KIRREL3: variants seen among roughly 807,000 people sequenced by gnomAD.
KIRREL3 encodes kin of IRRE-like protein 3.
Under a neutral mutation model 89.7 loss-of-function variants are expected in KIRREL3, and 36 were observed. That is an observed-to-expected ratio of 0.40 (90% CI 0.31 to 0.53). The LOEUF (loss-of-function observed/expected upper bound fraction) is 0.53. KIRREL3 is among the 20% of genes least tolerant of loss of function. The pLI is 0.49. For synonymous variants in KIRREL3, 445 were observed against 441.4 expected, an observed-to-expected ratio of 1.01 and a Z score of -0.10; for missense variants, 864 against 1,056.6, an observed-to-expected ratio of 0.82 and a Z score of 2.53.
rs757000736 is a variant in KIRREL3, at chr11:126,527,393, C to T, written c.134-706G>A. ...CTCAAAACGAGATGGCCAGAATCAT[C>T]GAAGAGAGTCAGTTGACATTATTTT... On this transcript the variant is annotated intron_variant, in intron 2 of 16. Coordinates refer to ENST00000525144, the MANE Select transcript of KIRREL3 (RefSeq NM_032531.4). This position sits in a 1 kb window ranked among gnomAD's most constrained non-coding sequence, Gnocchi z 4.2. Among the ~76,000 whole-genome samples the T allele has an allele frequency of 1.3e-5, 2 of 152,146 alleles. No individual in the cohort carries two copies. Among genetic ancestry groups the T allele is most frequent in the Non-Finnish European group, 2.9e-5 (2 of 68,026 alleles).
chr11:126,538,452 G>A (rs557598732), intron 2 of KIRREL3, among the ~76,000 whole-genome samples: 2 of 152,192 alleles, frequency 1.3e-5, no homozygotes, highest in Admixed American at 6.5e-5. Flanking sequence ...ACAATATCGG[G>A]TAGGGTGGGA....
intron 1 of KIRREL3, among the ~76,000 whole-genome samples, chr11:126,757,150 G>A (rs569561511): frequency 1.9e-4 from 29 of 152,290 alleles, no homozygotes; most frequent in African/African-American, 6.0e-4. Flanking sequence ...TCCATTTCAT[G>A]GAGACTAATG....
intron 1 of KIRREL3, among the ~76,000 whole-genome samples, chr11:126,600,571 A>G (rs1942607837): frequency 6.6e-6 from 1 of 152,148 alleles, no homozygotes; most frequent in Non-Finnish European, 1.5e-5. Flanking sequence ...TGCACCACCC[A>G]ACTCCACCAA....
chr11:126,976,980 A>G lies in KIRREL3; in HGVS notation c.55+23475T>C, dbSNP rs982846823. Among the ~76,000 whole-genome samples, 2 of 152,194 alleles carry G rather than the reference A, an allele frequency of 1.3e-5. No individual in the cohort carries two copies. Among genetic ancestry groups the G allele is most frequent in the African/African-American group, 4.8e-5 (2 of 41,440 alleles). On this transcript the variant is annotated intron_variant, in intron 1 of 16. Transcript: ENST00000525144. This position sits in a 1 kb window ranked among gnomAD's most constrained non-coding sequence, Gnocchi z 4.2. ...CTCAACTATGAACAGCACGATAGGA[A>G]AGAGAGTACCAAGAGAGTTAAGAAG... is the stretch of plus-strand genomic sequence containing the variant.
rs1039032339 is a variant in KIRREL3, at chr11:126,612,415, C to T, written c.56-49503G>A. Among the ~76,000 whole-genome samples, 2 of 152,186 alleles carry T rather than the reference C, an allele frequency of 1.3e-5. No individual in the cohort carries two copies. Among genetic ancestry groups the T allele is most frequent in the South Asian group, 2.1e-4 (1 of 4,830 alleles). Reference sequence around the variant, plus strand: ...ATTTTCTTGATCTCATACTTGTGTTCTCTATGCATCCTATCACCTGGCTCT... The same window carrying T: ...ATTTTCTTGATCTCATACTTGTGTTTTCTATGCATCCTATCACCTGGCTCT... On this transcript the variant is annotated intron_variant, in intron 1 of 16. Transcript: ENST00000525144. This position sits in a 1 kb window ranked among gnomAD's most constrained non-coding sequence, Gnocchi z 4.5.
intron 1 of KIRREL3, among the ~76,000 whole-genome samples, chr11:126,930,133 G>A (rs113305860): frequency 0.013 from 1,986 of 150,972 alleles, 61 homozygotes; most frequent in African/African-American, 0.047. Context: ...ACTCCCCCCT[G>A]CACACTTTTC....
At chr11:126,865,584 A>T (rs770078155) in intron 1 of KIRREL3, among the ~76,000 whole-genome samples, 2 of 152,258 alleles carry the variant, frequency 1.3e-5, no homozygotes, top group Non-Finnish European at 2.9e-5. Flanking sequence ...CACCTTGTTC[A>T]GCAGTGGACA....
In KIRREL3 at chr11:126,995,679, C is replaced by T. The variant is rs1767916431; in HGVS notation, c.55+4776G>A. On this transcript the variant is annotated intron_variant, in intron 1 of 16. Coordinates refer to ENST00000525144, the MANE Select transcript of KIRREL3 (RefSeq NM_032531.4). This position sits in a 1 kb window ranked among gnomAD's most constrained non-coding sequence, Gnocchi z 6.5. ...TTTATCTCCTTGGAAGAAAAGTACT[C>T]CACAAATCAAAGGTATCATTAGTAT... Among the ~76,000 whole-genome samples, 1 of 152,144 alleles carries T rather than the reference C, an allele frequency of 6.6e-6. No individual in the cohort carries two copies. Among genetic ancestry groups the T allele is most frequent in the African/African-American group, 2.4e-5 (1 of 41,418 alleles).
Position 126,768,133 on chromosome 11 carries a change from TATCCATCC to T in KIRREL3, c.56-205229_56-205222del, listed in dbSNP as rs150912161. On this transcript the variant is annotated intron_variant, in intron 1 of 16. Coordinates refer to ENST00000525144, the MANE Select transcript of KIRREL3 (RefSeq NM_032531.4). The surrounding 1 kb of genome is among the most constrained non-coding windows in gnomAD (Gnocchi z 4.5). ...CTGTCCATCCATCTGTCTATCCATC[TATCCATCC>T]ATCCATCCATCCATCCATCCATCCA... 3.4e-4 allele frequency among the ~76,000 whole-genome samples: 44 copies of T among 127,540 alleles called. No homozygotes were observed. Among genetic ancestry groups the T allele is most frequent in the Middle Eastern group, 3.8e-3 (1 of 264 alleles). The allele number at this position is 127,540 out of a possible 152,430, so 83.7% of individuals were successfully genotyped here. A position where few individuals can be genotyped will look rare whatever the true frequency, so the allele number is the denominator to read the frequency against.
At chr11:126,591,234 C>T (rs1283325571) in intron 1 of KIRREL3, among the ~76,000 whole-genome samples, 2 of 152,126 alleles carry the variant, frequency 1.3e-5, no homozygotes, top group Non-Finnish European at 2.9e-5. Flanking sequence ...TCTCCCACAC[C>T]TGCACCCCAA....
At chr11:126,497,209 AGTGTGT>A (rs57902579) in intron 4 of KIRREL3, among the ~76,000 whole-genome samples, 32 of 92,648 alleles carry the variant, frequency 3.5e-4, no homozygotes, top group East Asian at 8.2e-4. Flanking sequence ...TGTGAGTGTG[AGTGTGT>A]GAGAGTGAGT....
In KIRREL3 at chr11:126,462,470, G is replaced by A. The variant is rs1956580126; in HGVS notation, c.742+687C>T. ...ACTTGAGGTCAGGAGTTTGAGACCA[G>A]CTTGGCCAATATGGTGAAACCCCAT... is the stretch of plus-strand genomic sequence containing the variant. On this transcript the variant is annotated intron_variant, in intron 6 of 16. Transcript: ENST00000525144. This position sits in a 1 kb window ranked among gnomAD's most constrained non-coding sequence, Gnocchi z 4.8. Among the ~76,000 whole-genome samples, 1 of 152,150 alleles carries A rather than the reference G, an allele frequency of 6.6e-6. No individual in the cohort carries two copies. Among genetic ancestry groups the A allele is most frequent in the Admixed American group, 6.5e-5 (1 of 15,276 alleles).
chr11:126,684,870 G>T lies in KIRREL3; in HGVS notation c.56-121958C>A, dbSNP rs1475021261. On this transcript the variant is annotated intron_variant, in intron 1 of 16. Transcript: ENST00000525144. The surrounding 1 kb of genome is among the most constrained non-coding windows in gnomAD (Gnocchi z 4.2). Reference sequence around the variant, plus strand: ...CACAGCGGGAGGGACCTGGGAAGAGGGAGAAGTTGATGGTCTGGTCACTAA... The same window carrying T: ...CACAGCGGGAGGGACCTGGGAAGAGTGAGAAGTTGATGGTCTGGTCACTAA... 6.6e-6 allele frequency among the ~76,000 whole-genome samples: 1 copy of T among 152,096 alleles called. No individual in the cohort carries two copies. The highest frequency in any genetic ancestry group is 2.4e-5 in the African/African-American group (1 of 41,424).
chr11:126,573,177 A>G (rs980111171), intron 1 of KIRREL3, among the ~76,000 whole-genome samples: 4 of 152,204 alleles, frequency 2.6e-5, no homozygotes, highest in Non-Finnish European at 5.9e-5. Context: ...CAGCCAAGTC[A>G]CAGTCACAGC....
At chr11:126,546,092 G>A (rs916670711) in intron 2 of KIRREL3, among the ~76,000 whole-genome samples, 15 of 152,180 alleles carry the variant, frequency 9.9e-5, no homozygotes, top group African/African-American at 3.6e-4. Flanking sequence ...GTGGTGTTTG[G>A]CACACAGGAT....
In KIRREL3 at chr11:126,844,511, T is replaced by G. The variant is rs1306638245; in HGVS notation, c.55+155944A>C. Among the ~76,000 whole-genome samples the G allele has an allele frequency of 6.6e-6, 1 of 152,004 alleles. No individual in the cohort carries two copies. The highest frequency in any genetic ancestry group is 1.5e-5 in the Non-Finnish European group (1 of 67,984). On this transcript the variant is annotated intron_variant, in intron 1 of 16. Coordinates refer to ENST00000525144, the MANE Select transcript of KIRREL3 (RefSeq NM_032531.4). The surrounding 1 kb of genome is among the most constrained non-coding windows in gnomAD (Gnocchi z 4.8). The stretch of plus-strand genomic sequence containing the variant: ...TACCCAGATAAAGGATGGGATTGGG[T>G]TAGGGGCCCAACTTAGGGCAGTTGG...
At chr11:126,549,233 TTGGCACTTC>T (rs1248098134) in intron 2 of KIRREL3, 3 of 152,212 alleles carry the variant, frequency 2.0e-5, no homozygotes, top group Non-Finnish European at 4.4e-5. Context: ...TGGACTTGAT[TTGGCACTTC>T]TGAATGTCAT....
intron 1 of KIRREL3, among the ~76,000 whole-genome samples, chr11:126,855,247 A>G (rs1201489523): frequency 6.6e-6 from 1 of 152,240 alleles, no homozygotes; most frequent in Non-Finnish European, 1.5e-5. Context: ...TGATTGGATC[A>G]TGTGGGCAGA....
rs983949800 is a variant in KIRREL3, at chr11:126,739,463, C to T, written c.56-176551G>A. Reference sequence around the variant, plus strand: ...CAAAACAGCTCTTGAGTAGTATTTGCTCTGTCAGTCAGTGTGCCAGGTGCA... The same window carrying T: ...CAAAACAGCTCTTGAGTAGTATTTGTTCTGTCAGTCAGTGTGCCAGGTGCA... On this transcript the variant is annotated intron_variant, in intron 1 of 16. Transcript: ENST00000525144. The surrounding 1 kb of genome is among the most constrained non-coding windows in gnomAD (Gnocchi z 5.5). 6.6e-6 allele frequency among the ~76,000 whole-genome samples: 1 copy of T among 152,226 alleles called. No individual in the cohort carries two copies. The highest frequency in any genetic ancestry group is 2.4e-5 in the African/African-American group (1 of 41,460).
Sources: gnomAD v4.1 joint callset for allele counts (sites outside exome capture counted in the v4.1 genomes callset) on GRCh38, gnomAD v4.1.1 for gene constraint, Gnocchi (gnomAD v3.1) non-coding constraint, MANE v1.5 for transcripts, NCBI Gene and HGNC (gene_info 2026-07-23, HGNC 2026-07-21) for gene names.